The following HGS variants were observed in gnomAD, a reference collection of about 807,000 sequenced individuals.
HGS encodes the protein human growth factor-regulated tyrosine kinase substrate.
HGS carries 63 observed loss-of-function variants against 109.7 expected under a neutral mutation model. That is an observed-to-expected ratio of 0.57 (90% confidence interval 0.47 to 0.71). HGS has a LOEUF of 0.71. HGS is among the 30% of genes least tolerant of loss of function. The pLI is 0.00. For missense variants in HGS, 995 were observed against 1,068.3 expected, an observed-to-expected ratio of 0.93 and a Z score of 0.96; for synonymous variants, 546 against 437.3, an observed-to-expected ratio of 1.25 and a Z score of -3.10.
chr17:81,685,876 G>A (rs1011944656), intron 2 of HGS, among the ~76,000 whole-genome samples, 187 bp downstream of exon 2: 1 of 152,210 alleles, frequency 6.6e-6, no homozygotes, highest in Admixed American at 6.5e-5. Context: ...TGTACAGCTT[G>A]CAGATACCTG....
At chr17:81,690,619 C>T in intron 6 of HGS, 55 bp from the exon 7 acceptor site, 1 of 1,546,448 alleles carries the variant, frequency 6.5e-7, no homozygotes, top group Admixed American at 1.7e-5. Flanking sequence ...AGGCTCTGTG[C>T]CTCTGGGGCT....
chr17:81,685,594 TTCTC>T lies in HGS; in HGVS notation c.38-6_38-3del, dbSNP rs1010849610. On this transcript the variant is annotated splice_region_variant and splice_polypyrimidine_tract_variant and intron_variant, in intron 1 of 21. Transcript: ENST00000329138. ...GATAACCCCTCCCTTTCATGGCATT[TTCTC>T]TCTCAGACAAGGCGACCAGCCAGCT... 1.2e-6 allele frequency: 2 copies of T among 1,603,952 alleles called. No homozygotes were observed. Among genetic ancestry groups the T allele is most frequent in the African/African-American group, 2.7e-5 (2 of 74,642 alleles).
rs752397949 is a variant in HGS at position 81,701,308 on chromosome 17, T to TA, written c.2223+178dup. ...ACGAGGACACAAGTCTCAGGGCAGA[T>TA]ACGCGCATCCGCAAGTGTAGACAGG... On this transcript the variant is annotated intron_variant, in intron 21 of 21. Coordinates refer to ENST00000329138, the MANE Select transcript of HGS (RefSeq NM_004712.5). 1.1e-5 allele frequency: 9 copies of TA among 787,936 alleles called. No individual in the cohort carries two copies. The South Asian group carries it at 1.3e-4, about 12-fold the overall frequency. 48.8% of individuals were successfully genotyped at this position (787,936 alleles called of 1,614,324 possible). A position where few individuals can be genotyped will look rare whatever the true frequency, so the allele number is the denominator to read the frequency against.
In HGS at chr17:81,691,588, C is replaced by T. The variant is rs373619837; in HGVS notation, c.662+17C>T. On this transcript the variant is annotated intron_variant, in intron 8 of 21. Coordinates refer to ENST00000329138, the MANE Select transcript of HGS (RefSeq NM_004712.5). This position sits in a 1 kb window ranked among gnomAD's most constrained non-coding sequence, Gnocchi z 5.3. ...GCTGAACAGGTGAGTCCCCGCCCCC[C>T]ATTTGGGCTGCAGGTGGGGCAGGCT... 2.9e-5 allele frequency: 46 copies of T among 1,613,564 alleles called. No individual in the cohort carries two copies. The highest frequency in any genetic ancestry group is 2.5e-6 in the Non-Finnish European group (3 of 1,179,810).
At position 81,693,533 on chromosome 17, in the gene HGS, T is replaced by A; in HGVS notation, c.693T>A (p.Thr231=). Residue 231 remains threonine, a synonymous_variant, in exon 9 of 22, where the codon ACT becomes ACA. Transcript: ENST00000329138. ...CGGAGGGAAAGGCCACTTCCACCAC[T>A]GAGCTGCCCCCCGAGTACCTGACCA... is the stretch of plus-strand genomic sequence containing the variant. The part of the protein sequence containing the change: ...RKAEGKATST[T]ELPPEYLTSP... 6 of 1,613,320 alleles carry A rather than the reference T, an allele frequency of 3.7e-6. No homozygotes were observed. The highest frequency in any genetic ancestry group is 5.1e-6 in the Non-Finnish European group (6 of 1,179,752).
chr17:81,694,943 G>A lies in HGS; in HGVS notation c.995G>A (p.Arg332Gln), dbSNP rs774197888. Residue 332 changes from arginine to glutamine, a missense_variant, in exon 13 of 22, where the codon CGG becomes CAG. Arg to Gln is a conservative substitution (Grantham distance 43). Transcript: ENST00000329138. ...IDPELARYLN[R>Q]NYWEKKQEEA... The stretch of plus-strand genomic sequence containing the variant: ...CTGCAGCTCGCACGGTATCTCAACC[G>A]GAACTACTGGGAGAAGAAGCAGGAG... 5.0e-6 allele frequency: 8 copies of A among 1,614,148 alleles called. No homozygotes were observed. The highest frequency in any genetic ancestry group is 2.2e-5 in the South Asian group (2 of 91,088).
chr17:81,688,685 C>G lies in HGS; in HGVS notation c.292-19C>G. On this transcript the variant is annotated intron_variant, in intron 4 of 21. Transcript: ENST00000329138. Reference sequence around the variant, plus strand: ...CCTGGAGTGTCCTGCGACCCTCACCCCCTTCTCCCTGCCTGCAGAGACAAG... The same window carrying G: ...CCTGGAGTGTCCTGCGACCCTCACCGCCTTCTCCCTGCCTGCAGAGACAAG... The G allele has an allele frequency of 6.2e-7, 1 of 1,612,974 alleles. No individual in the cohort carries two copies. The highest frequency in any genetic ancestry group is 8.5e-7 in the Non-Finnish European group (1 of 1,179,536).
chr17:81,695,147 C>G lies in HGS; in HGVS notation c.1120-17C>G. On this transcript the variant is annotated splice_polypyrimidine_tract_variant and intron_variant, in intron 13 of 21. Coordinates refer to ENST00000329138, the MANE Select transcript of HGS (RefSeq NM_004712.5). ...TGCGGGACAGGTTGGAGGCCCCACTCATTCTCTCTCTTCCAGAACCCCCTC... is the reference window on the plus strand; with the variant it reads ...TGCGGGACAGGTTGGAGGCCCCACTGATTCTCTCTCTTCCAGAACCCCCTC... The G allele has an allele frequency of 6.2e-7, 1 of 1,614,002 alleles. No homozygotes were observed.
Position 81,701,100 on chromosome 17 carries a change from A to G in HGS, c.2192A>G (p.Tyr731Cys), listed in dbSNP as rs749656472. The G allele has an allele frequency of 4.3e-6, 7 of 1,613,872 alleles. No homozygotes were observed. In the African/African-American group the frequency reaches 8.0e-5, roughly 18 times the overall value. Residue 731 changes from tyrosine (Y) to cysteine (C), a missense_variant, in exon 21 of 22, where the codon TAC (tyrosine) becomes TGC (cysteine). By Grantham distance (194) the Tyr-to-Cys change is radical. Around this residue, in one of 6 missense-constraint regions of HGS, gnomAD observed 326 missense variants for 309.7 expected, o/e 1.05. Coordinates refer to ENST00000329138, the MANE Select transcript of HGS (RefSeq NM_004712.5). ...QDASLPPQQP[Y>C]IAGQQPMYQQ... Reference sequence around the variant, plus strand: ...GCGTCTCTGCCACCCCAGCAGCCCTACATCGCGGGGCAGCAGCCCATGTAC... The same window carrying G: ...GCGTCTCTGCCACCCCAGCAGCCCTGCATCGCGGGGCAGCAGCCCATGTAC...
chr17:81,701,325 G>A (rs1282980882), intron 21 of HGS, 183 bp from the exon 22 acceptor site: 22 of 821,290 alleles, frequency 2.7e-5, no homozygotes, highest in South Asian at 2.4e-4. Context: ...ATCCGCAAGT[G>A]TAGACAGGAA....
At position 81,701,522 on chromosome 17, in the gene HGS, C is replaced by T. The variant is rs34897798; in HGVS notation, c.2238C>T (p.Gly746=). The change falls in exon 22 of 22, where the codon GGC becomes GGT. Residue 746 remains glycine (G), a synonymous_variant. Transcript: ENST00000329138. The part of the protein sequence containing the change: ...QPMYQQMAPS[G]GPPQQQPPVA... Reference sequence around the variant, plus strand: ...CTCCTGCACAGATGGCACCCTCTGGCGGTCCCCCCCAGCAGCAGCCCCCCG... The same window carrying T: ...CTCCTGCACAGATGGCACCCTCTGGTGGTCCCCCCCAGCAGCAGCCCCCCG... 0.063 allele frequency: 98,773 copies of T among 1,558,520 alleles called. 4,202 individuals are homozygous for T. Among genetic ancestry groups the T allele is most frequent in the East Asian group, 0.26 (10,902 of 42,022 alleles).
At position 81,691,910 on chromosome 17, in the gene HGS, C is replaced by T. The variant is rs62077183; in HGVS notation, c.662+339C>T. On this transcript the variant is annotated intron_variant, in intron 8 of 21. Coordinates refer to ENST00000329138, the MANE Select transcript of HGS (RefSeq NM_004712.5). This position sits in a 1 kb window ranked among gnomAD's most constrained non-coding sequence, Gnocchi z 5.3. Reference sequence around the variant, plus strand: ...GAGTAGCACAGAGAAGCTGCGGGGCCGCGGCCAGTGCCTCAGCGGTGGGAA... The same window carrying T: ...GAGTAGCACAGAGAAGCTGCGGGGCTGCGGCCAGTGCCTCAGCGGTGGGAA... The T allele has an allele frequency of 1.4e-3, 283 of 208,252 alleles. No individual in the cohort carries two copies. The highest frequency in any genetic ancestry group is 4.0e-3 in the South Asian group (42 of 10,408). 12.9% of individuals were successfully genotyped at this position (208,252 alleles called of 1,614,324 possible).
At chr17:81,695,692 G>T in intron 14 of HGS, 94 bp from the exon 15 acceptor site, 2 of 1,124,794 alleles carry the variant, frequency 1.8e-6, no homozygotes, top group South Asian at 2.5e-5. Context: ...TCTGCTCCAG[G>T]CTTGAGTATA....
chr17:81,694,884 C>A, intron 12 of HGS, 31 bp downstream of exon 12: 1 of 1,610,880 alleles, frequency 6.2e-7, no homozygotes, highest in Non-Finnish European at 8.5e-7. Context: ...CATCCTCTCA[C>A]GGTTTCTGGC....
At chr17:81,688,938 G>A in intron 5 of HGS, 111 bp downstream of exon 5, 1 of 1,404,836 alleles carries the variant, frequency 7.1e-7, no homozygotes, top group South Asian at 1.2e-5. Context: ...CCCTGTGTTG[G>A]GAGGGAGGAG....
chr17:81,686,878 C>A, intron 3 of HGS, 125 bp from the exon 4 acceptor site: 1 of 722,538 alleles, frequency 1.4e-6, no homozygotes. Flanking sequence ...CACCGGGTTC[C>A]CCACCGGCCA....
At position 81,693,548 on chromosome 17, in the gene HGS, G is replaced by C; in HGVS notation, c.708G>C (p.Glu236Asp). The C allele has an allele frequency of 1.2e-6, 2 of 1,613,078 alleles. No individual in the cohort carries two copies. The highest frequency in any genetic ancestry group is 1.7e-6 in the Non-Finnish European group (2 of 1,179,574). The change falls in exon 9 of 22, where the codon GAG becomes GAC. Residue 236 changes from glutamate to aspartate, a missense_variant. Glu to Asp is a conservative substitution (Grantham distance 45, BLOSUM62 2). This residue lies in a region of HGS where 300 missense variants were observed against 235.4 expected (regional missense o/e 1.27). Transcript: ENST00000329138. ...CTTCCACCACTGAGCTGCCCCCCGA[G>C]TACCTGACCAGCCCCCTGTCTCAGC... ...KATSTTELPP[E>D]YLTSPLSQQS...
chr17:81,687,528 G>A (rs528931411), intron 4 of HGS, among the ~76,000 whole-genome samples: 4 of 152,330 alleles, frequency 2.6e-5, no homozygotes, highest in East Asian at 3.9e-4. Context: ...GGCTCTGAGC[G>A]GGGGCTTGTA....
Position 81,690,705 on chromosome 17 carries a change from A to G in HGS, c.500A>G (p.His167Arg). ...APDWVDAEEC[H>R]RCRVQFGVMT... is the part of the protein sequence containing the mutation. ...GACTGGGTGGACGCTGAGGAATGCCACCGCTGCAGGGTGCAGTTCGGGGTG... is the reference window on the plus strand; with the variant it reads ...GACTGGGTGGACGCTGAGGAATGCCGCCGCTGCAGGGTGCAGTTCGGGGTG... The change falls in exon 7 of 22, where the codon CAC becomes CGC. Residue 167 changes from histidine (H) to arginine (R), a missense_variant. Physicochemically the swap from His to Arg is conservative, Grantham distance 29 (BLOSUM62 0). Coordinates refer to ENST00000329138, the MANE Select transcript of HGS (RefSeq NM_004712.5). The G allele has an allele frequency of 1.2e-6, 2 of 1,612,886 alleles. No individual in the cohort carries two copies. The highest frequency in any genetic ancestry group is 1.7e-6 in the Non-Finnish European group (2 of 1,179,714).
Sources: allele counts gnomAD v4.1 joint callset (sites outside exome capture counted in the v4.1 genomes callset), GRCh38; gene constraint gnomAD v4.1.1; regional missense constraint gnomAD v4.1.1; non-coding constraint Gnocchi (gnomAD v3.1); transcripts MANE v1.5; gene names NCBI Gene and HGNC (gene_info 2026-07-23, HGNC 2026-07-21).